Variants in PDS5A observed in about 807,000 individuals in gnomAD.
The protein encoded by PDS5A is sister chromatid cohesion protein PDS5 homolog A.
PDS5A carries 42 observed loss-of-function variants against 167.1 expected under a neutral mutation model. The ratio of observed to expected loss-of-function variants is 0.25; its 90% CI spans 0.20 to 0.33. PDS5A has a LOEUF of 0.33. Ranked by LOEUF, PDS5A falls within the 10% of genes least tolerant of loss-of-function variation. The pLI, the probability that PDS5A is intolerant of heterozygous loss-of-function variation, is 1.00. For missense variants in PDS5A, 1,033 were observed against 1,605.9 expected (o/e 0.64, Z 6.10); for synonymous variants, 553 against 554.6 (o/e 1.00, Z 0.04).
At chr4:39,849,010 C>A in intron 27 of PDS5A, 40 bp from the exon 28 acceptor site, 1 of 1,343,590 alleles carries the variant, frequency 7.4e-7, no homozygotes, top group Admixed American at 2.3e-5. Flanking sequence ...TTTAGTATTG[C>A]AAAATAATCA....
At chr4:39,946,866 T>C (rs1045635466) in intron 2 of PDS5A, among the ~76,000 whole-genome samples, 6 of 152,072 alleles carry the variant, frequency 3.9e-5, no homozygotes, top group South Asian at 2.1e-4. Context: ...TGAGCCAAGA[T>C]TGCACCACTG....
rs1458415582 is a variant in PDS5A, at chr4:39,977,638, G to A, written c.-222C>T. Reference sequence around the variant, plus strand: ...GGTGCCGAGGAGGAGCAGCCGCCGCGGGGGGAGACGCGGGGCGAGTGAGCG... The same window carrying A: ...GGTGCCGAGGAGGAGCAGCCGCCGCAGGGGGAGACGCGGGGCGAGTGAGCG... On this transcript the variant is annotated 5_prime_UTR_variant, in exon 1 of 33. Transcript: ENST00000303538. The surrounding 1 kb of genome is among the most constrained non-coding windows in gnomAD (Gnocchi z 4.2). The A allele has an allele frequency of 2.0e-5, 3 of 152,270 alleles. No homozygotes were observed. The highest frequency in any genetic ancestry group is 7.3e-5 in the African/African-American group (3 of 41,070). 9.4% of individuals were successfully genotyped at this position (152,270 alleles called of 1,614,324 possible).
intron 17 of PDS5A, among the ~76,000 whole-genome samples, chr4:39,884,088 C>G (rs1388054170): frequency 6.6e-6 from 1 of 152,040 alleles, no homozygotes; most frequent in Non-Finnish European, 1.5e-5. Flanking sequence ...GCCACCACGT[C>G]AGGCTAATTT....
intron 5 of PDS5A, among the ~76,000 whole-genome samples, chr4:39,924,149 GATGAGAC>G (rs1257384383): frequency 6.6e-6 from 1 of 152,144 alleles, no homozygotes; most frequent in Non-Finnish European, 1.5e-5. Flanking sequence ...CTCCTGAATG[GATGAGAC>G]ATGTGACCCA....
At chr4:39,833,698 T>C (rs562169370) in intron 32 of PDS5A, among the ~76,000 whole-genome samples, 4 of 152,240 alleles carry the variant, frequency 2.6e-5, no homozygotes, top group African/African-American at 9.6e-5. Flanking sequence ...CTGGATAAAT[T>C]GTTTCAGGAA....
At position 39,824,476 on chromosome 4, in the gene PDS5A, A is replaced by T. The variant is rs1715106878; in HGVS notation, c.*1009T>A. ...TAAAAATGAGCCCAGACCATCAGACAAAAGCAAAACACTTATTTCCAAATA... is the reference window on the plus strand; with the variant it reads ...TAAAAATGAGCCCAGACCATCAGACTAAAGCAAAACACTTATTTCCAAATA... On this transcript the variant is annotated 3_prime_UTR_variant, in exon 33 of 33. Coordinates refer to ENST00000303538, the MANE Select transcript of PDS5A (RefSeq NM_001100399.2). The T allele has an allele frequency of 6.6e-6, 1 of 152,546 alleles. No individual in the cohort carries two copies. The allele number at this position is 152,546 out of a possible 1,614,324, so 9.4% of individuals were successfully genotyped here.
chr4:39,972,236 G>A (rs556614269), intron 2 of PDS5A, among the ~76,000 whole-genome samples: 5 of 152,168 alleles, frequency 3.3e-5, no homozygotes, highest in Admixed American at 2.6e-4. Context: ...ATTGAGACAC[G>A]GTTGGCTGGG....
intron 16 of PDS5A, 78 bp from the exon 17 acceptor site, chr4:39,890,442 A>T (rs1721862192): frequency 1.3e-6 from 1 of 792,634 alleles, no homozygotes; most frequent in African/African-American, 1.7e-5. Context: ...AAGGAACTGA[A>T]ATATTCAAAA....
chr4:39,888,935 A>G (rs183145135), intron 17 of PDS5A, among the ~76,000 whole-genome samples: 60 of 152,346 alleles, frequency 3.9e-4, no homozygotes, highest in Admixed American at 2.9e-3. Context: ...GGTGATGTAT[A>G]TCACCAATAC....
rs1729080477 is a variant in PDS5A, at chr4:39,957,745, CCACTG to C, written c.138+18690_138+18694del. ...GAGCTTGCAGTGAGCTGAGACTGTA[CCACTG>C]CACTCCAGCCTGGGCGACAGTGTGA... On this transcript the variant is annotated intron_variant, in intron 2 of 32. Coordinates refer to ENST00000303538, the MANE Select transcript of PDS5A (RefSeq NM_001100399.2). 2.1e-5 allele frequency among the ~76,000 whole-genome samples: 3 copies of C among 145,224 alleles called. 1 individual carries two copies. The Admixed American group carries it at 2.1e-4, about 10-fold the overall frequency.
chr4:39,886,109 T>C (rs1721451232), intron 17 of PDS5A, among the ~76,000 whole-genome samples: 1 of 152,262 alleles, frequency 6.6e-6, no homozygotes. Context: ...TTGACACCTC[T>C]GTCAGAAATG....
chr4:39,843,882 C>A (rs1055102760), intron 30 of PDS5A, among the ~76,000 whole-genome samples: 2 of 150,884 alleles, frequency 1.3e-5, no homozygotes, highest in African/African-American at 4.9e-5. Context: ...CAGTGGTTTG[C>A]GCCTGTAATC....
chr4:39,844,302 C>T (rs1463594639), intron 30 of PDS5A, among the ~76,000 whole-genome samples: 3 of 151,944 alleles, frequency 2.0e-5, no homozygotes, highest in African/African-American at 4.8e-5. Context: ...TGGTGAAACA[C>T]CGTCTCTACT....
chr4:39,887,730 A>C (rs1339155095), intron 17 of PDS5A, among the ~76,000 whole-genome samples: 1 of 152,226 alleles, frequency 6.6e-6, no homozygotes, highest in African/African-American at 2.4e-5. Flanking sequence ...ATAGGATTAC[A>C]TTAAGCTAAA....
chr4:39,923,430 T>A (rs1350676952), intron 5 of PDS5A, among the ~76,000 whole-genome samples: 1 of 151,718 alleles, frequency 6.6e-6, no homozygotes, highest in Non-Finnish European at 1.5e-5. Context: ...TAAATTAAAT[T>A]CTGCCTTAAA....
chr4:39,860,895 C>A (rs1718929122), intron 26 of PDS5A, among the ~76,000 whole-genome samples: 1 of 151,782 alleles, frequency 6.6e-6, no homozygotes, highest in South Asian at 2.1e-4. Context: ...CACAGTGAGA[C>A]CCCATCTCTA....
At chr4:39,973,847 C>G in intron 2 of PDS5A, 9 of 965,172 alleles carry the variant, frequency 9.3e-6, no homozygotes, top group Non-Finnish European at 1.5e-5. Context: ...GCTGCAAGAC[C>G]GGGCGCGGTG....
At chr4:39,949,689 C>G (rs1003951547) in intron 2 of PDS5A, among the ~76,000 whole-genome samples, 1 of 151,516 alleles carries the variant, frequency 6.6e-6, no homozygotes, top group Non-Finnish European at 1.5e-5. Context: ...CAACAATTAG[C>G]TTGGCATGGT....
At chr4:39,833,093 A>C (rs1716057856) in intron 32 of PDS5A, among the ~76,000 whole-genome samples, 1 of 144,666 alleles carries the variant, frequency 6.9e-6, no homozygotes, top group African/African-American at 2.5e-5. Flanking sequence ...AGGGAGGCTG[A>C]GGCAGGAGAA....
Sources: allele counts gnomAD v4.1 joint callset (sites outside exome capture counted in the v4.1 genomes callset), GRCh38; gene constraint gnomAD v4.1.1; non-coding constraint Gnocchi (gnomAD v3.1); transcripts MANE v1.5; gene names NCBI Gene and HGNC (gene_info 2026-07-23, HGNC 2026-07-21).